The following COL8A1 variants were observed in gnomAD, a reference collection of about 807,000 sequenced individuals.
COL8A1 encodes collagen type VIII alpha 1 chain.
A neutral mutation model predicts 42.7 loss-of-function variants in COL8A1; 21 were observed. That is an observed-to-expected ratio of 0.49 (90% CI 0.35 to 0.71). The LOEUF is 0.71. COL8A1 is among the 30% of genes least tolerant of loss of function. The pLI, the probability that COL8A1 is intolerant of heterozygous loss-of-function variation, is 0.01. For missense variants in COL8A1, 788 were observed against 962.4 expected (o/e 0.82, Z 2.40); for synonymous variants, 367 against 369.1 (o/e 0.99, Z 0.06).
chr3:99,744,834 T>C (rs1052327531), intron 1 of COL8A1, 63 bp from the exon 2 acceptor site: 1 of 69,822 alleles, frequency 1.4e-5, no homozygotes, highest in Admixed American at 1.2e-4. Context: ...TGATCCAGAA[T>C]AATACTTTGA....
At chr3:99,650,190 T>C (rs1937798017) in intron 1 of COL8A1, among the ~76,000 whole-genome samples, 1 of 152,204 alleles carries the variant, frequency 6.6e-6, no homozygotes, top group Non-Finnish European at 1.5e-5. Flanking sequence ...CCTGTCAGAA[T>C]AACCATAATT....
chr3:99,732,746 A>C (rs1344502128), intron 1 of COL8A1, among the ~76,000 whole-genome samples: 2 of 152,126 alleles, frequency 1.3e-5, no homozygotes, highest in Non-Finnish European at 2.9e-5. Flanking sequence ...ACAGTCTCCC[A>C]AAGTCTTAAC....
chr3:99,641,317 C>G (rs1937505666), intron 1 of COL8A1, among the ~76,000 whole-genome samples: 1 of 152,064 alleles, frequency 6.6e-6, no homozygotes, highest in African/African-American at 2.4e-5. Flanking sequence ...CTGCTCTTGT[C>G]TTTTTATTTG....
intron 1 of COL8A1, among the ~76,000 whole-genome samples, chr3:99,662,689 G>A (rs1017339836): frequency 2.6e-5 from 4 of 152,154 alleles, no homozygotes; most frequent in Non-Finnish European, 5.9e-5. Context: ...CCAATAGGCC[G>A]GAAGGGTTAG....
chr3:99,763,466 A>C (rs1157172202), intron 2 of COL8A1, among the ~76,000 whole-genome samples: 2 of 152,158 alleles, frequency 1.3e-5, no homozygotes, highest in Admixed American at 6.5e-5. Context: ...CAATAATAAT[A>C]ACAGTTAATA....
chr3:99,699,122 T>C (rs1217689784), intron 1 of COL8A1, among the ~76,000 whole-genome samples: 2 of 152,212 alleles, frequency 1.3e-5, no homozygotes, highest in Admixed American at 6.5e-5. Context: ...CCACTGCATA[T>C]GTTCATTAAA....
At chr3:99,711,256 C>G (rs910236951) in intron 1 of COL8A1, among the ~76,000 whole-genome samples, 1 of 152,024 alleles carries the variant, frequency 6.6e-6, no homozygotes, top group African/African-American at 2.4e-5. Context: ...AAACAACAAA[C>G]AAGAGAAAGC....
chr3:99,639,436 A>C (rs529031907), intron 1 of COL8A1, among the ~76,000 whole-genome samples: 1 of 152,362 alleles, frequency 6.6e-6, no homozygotes, highest in African/African-American at 2.4e-5. Context: ...GCCAGATTAT[A>C]CAATACTTCT....
intron 1 of COL8A1, among the ~76,000 whole-genome samples, chr3:99,731,004 T>C (rs1363866395): frequency 6.6e-6 from 1 of 152,118 alleles, no homozygotes; most frequent in African/African-American, 2.4e-5. Flanking sequence ...AGAATATTTA[T>C]TTGTAAGGAG....
At chr3:99,640,182 G>T (rs1035129943) in intron 1 of COL8A1, among the ~76,000 whole-genome samples, 1 of 152,192 alleles carries the variant, frequency 6.6e-6, no homozygotes, top group Non-Finnish European at 1.5e-5. Context: ...TGCAAGAAGT[G>T]CAGTTTCCTT....
At chr3:99,717,030 G>C (rs566258098) in intron 1 of COL8A1, among the ~76,000 whole-genome samples, 1 of 151,968 alleles carries the variant, frequency 6.6e-6, no homozygotes, top group African/African-American at 2.4e-5. Context: ...ATTCTTCACT[G>C]AGCATGGAGA....
At chr3:99,728,972 C>A (rs1009470720) in intron 1 of COL8A1, among the ~76,000 whole-genome samples, 5 of 151,994 alleles carry the variant, frequency 3.3e-5, no homozygotes, top group African/African-American at 1.2e-4. Context: ...TGTCCTGCAT[C>A]ACCATTATAT....
intron 1 of COL8A1, chr3:99,691,580 C>A (rs1047543965): frequency 1.3e-5 from 2 of 151,862 alleles, no homozygotes; most frequent in African/African-American, 4.8e-5. Flanking sequence ...TGGGCCAGTA[C>A]ACAGGTTTGC....
intron 2 of COL8A1, among the ~76,000 whole-genome samples, chr3:99,746,880 A>G: frequency 6.6e-6 from 1 of 152,242 alleles, no homozygotes. Context: ...TTTTGATTGA[A>G]AAAATAATAA....
Position 99,718,159 on chromosome 3 carries a change from G to C in COL8A1, c.-128-26738G>C, listed in dbSNP as rs75678165. On this transcript the variant is annotated intron_variant, in intron 1 of 3. Coordinates refer to ENST00000652472, the MANE Select transcript of COL8A1 (RefSeq NM_020351.4). ...TCTTCTGAGCACCTGTAGTCCCCAA[G>C]ACTAGTCCACACAATTGAGAACACA... 3.2e-3 allele frequency among the ~76,000 whole-genome samples: 485 copies of C among 151,994 alleles called. 5 individuals are homozygous for C. The highest frequency in any genetic ancestry group is 0.011 in the African/African-American group (462 of 41,502).
At chr3:99,662,640 G>A (rs968249612) in intron 1 of COL8A1, among the ~76,000 whole-genome samples, 2 of 152,136 alleles carry the variant, frequency 1.3e-5, no homozygotes, top group African/African-American at 2.4e-5. Context: ...GCAACAAACT[G>A]GGTGACTTGC....
chr3:99,798,845 TG>T lies in COL8A1; in HGVS notation c.*2710del. ...TATCTATGTGCCTGTATTTCCCTTT[TG>T]AGTGCTGCACAACATGTTAACATAT... On this transcript the variant is annotated 3_prime_UTR_variant, in exon 4 of 4. Coordinates refer to ENST00000652472, the MANE Select transcript of COL8A1 (RefSeq NM_020351.4). 6.6e-6 allele frequency: 1 copy of T among 152,380 alleles called. No homozygotes were observed. Among genetic ancestry groups the T allele is most frequent in the East Asian group, 1.9e-4 (1 of 5,192 alleles). The allele number at this position is 152,380 out of a possible 1,614,324, so 9.4% of individuals were successfully genotyped here.
At chr3:99,782,682 G>A (rs550569254) in intron 2 of COL8A1, among the ~76,000 whole-genome samples, 12 of 152,246 alleles carry the variant, frequency 7.9e-5, no homozygotes, top group African/African-American at 2.6e-4. Context: ...GTGAGCCACC[G>A]CACCCGGCCC....
chr3:99,736,941 G>T (rs953026626), intron 1 of COL8A1, among the ~76,000 whole-genome samples: 1 of 152,174 alleles, frequency 6.6e-6, no homozygotes, highest in Non-Finnish European at 1.5e-5. Flanking sequence ...ATATATTTAG[G>T]ATAGTTAGCT....
Sources: allele counts gnomAD v4.1 joint callset (sites outside exome capture counted in the v4.1 genomes callset), GRCh38; gene constraint gnomAD v4.1.1; transcripts MANE v1.5; gene names NCBI Gene and HGNC (gene_info 2026-07-23, HGNC 2026-07-21).